SOX5: variants seen among roughly 807,000 people sequenced by gnomAD.
The protein encoded by SOX5 is transcription factor SOX-5.
Under a neutral mutation model 92.0 loss-of-function variants are expected in SOX5, and 9 were observed. That is an observed-to-expected ratio of 0.10 (90% confidence interval 0.06 to 0.17). SOX5 has a LOEUF of 0.17. Among genes scored for constraint, SOX5 ranks in the 10% least tolerant of loss-of-function variants. The pLI is 1.00. For missense variants in SOX5, 642 were observed against 944.5 expected, an observed-to-expected ratio of 0.68 and a Z score of 4.20; for synonymous variants, 344 against 336.3, an observed-to-expected ratio of 1.02 and a Z score of -0.25.
intron 4 of SOX5, among the ~76,000 whole-genome samples, chr12:24,123,362 TTTC>T (rs1176616909): frequency 1.1e-4 from 17 of 152,290 alleles, no homozygotes; most frequent in African/African-American, 3.8e-4. Context: ...AGAAAATCAT[TTTC>T]TTCTTTTTTA....
chr12:23,770,357 T>G (rs1454173904), intron 3 of SOX5, among the ~76,000 whole-genome samples: 1 of 151,060 alleles, frequency 6.6e-6, no homozygotes, highest in African/African-American at 2.4e-5. Flanking sequence ...AGGCCATAAC[T>G]GAGCCAAAAA....
intron 3 of SOX5, among the ~76,000 whole-genome samples, chr12:23,770,943 T>C (rs1418090022): frequency 6.6e-6 from 1 of 152,214 alleles, no homozygotes; most frequent in Non-Finnish European, 1.5e-5. Flanking sequence ...AAACATGCTA[T>C]ATCTTTCTGT....
At chr12:23,781,764 T>C (rs2095284859) in intron 3 of SOX5, among the ~76,000 whole-genome samples, 1 of 152,076 alleles carries the variant, frequency 6.6e-6, no homozygotes, top group African/African-American at 2.4e-5. Context: ...AATCAGTCTT[T>C]CTTTGGAAAT....
At chr12:23,959,917 TTTG>T (rs1426272716) in intron 4 of SOX5, among the ~76,000 whole-genome samples, 1 of 152,204 alleles carries the variant, frequency 6.6e-6, no homozygotes, top group African/African-American at 2.4e-5. Flanking sequence ...CATTTCATAA[TTTG>T]TTTTCTCCCT....
chr12:23,985,270 G>T (rs1214724424), intron 4 of SOX5, among the ~76,000 whole-genome samples: 2 of 102,424 alleles, frequency 2.0e-5, no homozygotes, highest in African/African-American at 3.6e-5. Flanking sequence ...TTAAAGACAG[G>T]GTCCCACTCC....
intron 4 of SOX5, among the ~76,000 whole-genome samples, chr12:24,113,871 A>C (rs1221537732): frequency 6.6e-6 from 1 of 152,200 alleles, no homozygotes; most frequent in Admixed American, 6.5e-5. Context: ...TCCTAGAGGG[A>C]AAGCTTGGCA....
intron 2 of SOX5, among the ~76,000 whole-genome samples, chr12:24,358,310 G>A (rs1306471230): frequency 6.6e-6 from 1 of 152,120 alleles, no homozygotes; most frequent in Non-Finnish European, 1.5e-5. Flanking sequence ...TAAAATTGAG[G>A]ATTTCCTTTT....
At chr12:24,168,405 TA>T (rs1288963191) in intron 4 of SOX5, among the ~76,000 whole-genome samples, 1 of 152,322 alleles carries the variant, frequency 6.6e-6, no homozygotes, top group African/African-American at 2.4e-5. Flanking sequence ...TGTCTTATTT[TA>T]AAAAAATCGT....
rs117672431 is a variant in SOX5, at chr12:23,722,923, G to A, written c.810+11761C>T. On this transcript the variant is annotated intron_variant, in intron 6 of 14. Transcript: ENST00000451604. ...TTTCTTCTCAGCTTGAAGCAAACAC[G>A]TTTTGACTGCTAGTCATTCAATTTT... Among the ~76,000 whole-genome samples the A allele has an allele frequency of 1.8e-4, 27 of 152,224 alleles. No individual in the cohort carries two copies. The East Asian group carries it at 4.1e-3, about 23-fold the overall frequency.
chr12:24,527,488 T>A (rs1950820110), intron 1 of SOX5, among the ~76,000 whole-genome samples: 1 of 152,230 alleles, frequency 6.6e-6, no homozygotes, highest in South Asian at 2.1e-4. Context: ...AAAGCTGGTT[T>A]GGGGCATGGC....
At chr12:23,902,838 C>T (rs747780973) in intron 1 of SOX5, among the ~76,000 whole-genome samples, 2 of 152,118 alleles carry the variant, frequency 1.3e-5, no homozygotes, top group Non-Finnish European at 2.9e-5. Flanking sequence ...TAATCCTCTA[C>T]ACCAAATGAG....
rs1214092841 is a variant in SOX5 at position 24,521,211 on chromosome 12, C to A, written c.-251+41118G>T. ...CTGGGATTACAGGCGTTTGCCACCA[C>A]ACCCGGATAATTTTTGTATTTTTAG... On this transcript the variant is annotated intron_variant, in intron 1 of 4. Transcript: ENST00000446891. Among the ~76,000 whole-genome samples, 3 of 152,288 alleles carry A rather than the reference C, an allele frequency of 2.0e-5. No homozygotes were observed. In the East Asian group the frequency reaches 5.8e-4, roughly 29 times the overall value.
intron 1 of SOX5, among the ~76,000 whole-genome samples, chr12:24,458,158 G>A (rs1366238610): frequency 6.6e-6 from 1 of 151,936 alleles, no homozygotes; most frequent in East Asian, 1.9e-4. Context: ...CTCAGTGTCT[G>A]TTTTTTTAAA....
chr12:23,993,588 A>G (rs892648463), intron 4 of SOX5, among the ~76,000 whole-genome samples: 1 of 152,142 alleles, frequency 6.6e-6, no homozygotes. Flanking sequence ...ACCATCCCCA[A>G]CATACTCCTC....
At chr12:23,709,233 T>G (rs2091787492) in intron 6 of SOX5, among the ~76,000 whole-genome samples, 1 of 152,040 alleles carries the variant, frequency 6.6e-6, no homozygotes. Context: ...TCCAGAGTAG[T>G]TGGGATTATG....
At chr12:23,791,520 C>T (rs997440300) in intron 3 of SOX5, among the ~76,000 whole-genome samples, 1 of 152,144 alleles carries the variant, frequency 6.6e-6, no homozygotes, top group African/African-American at 2.4e-5. Context: ...CTGCAGTGTT[C>T]AATGGGCTGA....
chr12:24,551,276 TGG>T, intron 1 of SOX5, among the ~76,000 whole-genome samples: 1 of 152,212 alleles, frequency 6.6e-6, no homozygotes, highest in South Asian at 2.1e-4. Context: ...GACACTGTGC[TGG>T]GCACGCTGGT....
chr12:23,753,432 A>G (rs767328489), intron 4 of SOX5, among the ~76,000 whole-genome samples: 1 of 151,788 alleles, frequency 6.6e-6, no homozygotes, highest in Non-Finnish European at 1.5e-5. Flanking sequence ...AATGGAGGAG[A>G]AAAGTTTCCA....
chr12:23,640,276 G>T (rs567748799), intron 8 of SOX5, among the ~76,000 whole-genome samples: 1 of 152,296 alleles, frequency 6.6e-6, no homozygotes, highest in African/African-American at 2.4e-5. Flanking sequence ...CGCACGGCTA[G>T]AAAAGTCTTA....
Sources: allele counts gnomAD v4.1 joint callset (sites outside exome capture counted in the v4.1 genomes callset), GRCh38; gene constraint gnomAD v4.1.1; transcripts MANE v1.5; gene names NCBI Gene and HGNC (gene_info 2026-07-23, HGNC 2026-07-21).